Variants in NSD1 observed in about 807,000 individuals in gnomAD.
NSD1 encodes nuclear receptor binding SET domain protein 1.
A neutral mutation model predicts 242.7 loss-of-function variants in NSD1; 26 were observed. The observed-to-expected ratio is 0.11, with a 90% CI of 0.08 to 0.15. NSD1 has a LOEUF of 0.15. Among genes scored for constraint, NSD1 ranks in the 10% least tolerant of loss-of-function variants. The pLI is 1.00. For synonymous variants in NSD1, 1,106 were observed against 1,178.1 expected (o/e 0.94, Z 1.25); for missense variants, 2,495 against 3,272.8 (o/e 0.76, Z 5.80).
Position 177,204,638 on chromosome 5 carries a change from C to T in NSD1, c.1236+346C>T, listed in dbSNP as rs551504168. Among the ~76,000 whole-genome samples the T allele has an allele frequency of 1.8e-4, 27 of 152,134 alleles. No homozygotes were observed. In the East Asian group the frequency reaches 3.7e-3, roughly 21 times the overall value. On this transcript the variant is annotated intron_variant, in intron 4 of 22. Coordinates refer to ENST00000439151, the MANE Select transcript of NSD1 (RefSeq NM_022455.5). ...CAGGTGTGAGCCACTGTGCCTGGCC[C>T]GGCCTTTTAAAAATCATTATCTACT...
At chr5:177,158,319 CTTTTCTTTCT>C (rs1275415394) in intron 2 of NSD1, among the ~76,000 whole-genome samples, 10 of 130,150 alleles carry the variant, frequency 7.7e-5, no homozygotes, top group African/African-American at 2.6e-4. Flanking sequence ...TCTTTTCTTT[CTTTTCTTTCT>C]TTTCTTTCTT....
At chr5:177,264,054 T>TTTTTTA (rs1757219940) in intron 14 of NSD1, among the ~76,000 whole-genome samples, 1 of 119,570 alleles carries the variant, frequency 8.4e-6, no homozygotes, top group African/African-American at 3.0e-5. Context: ...TTTTTTTTTT[T>TTTTTTA]GAGATGGAGT....
chr5:177,239,579 A>C (rs1581410982), intron 7 of NSD1, among the ~76,000 whole-genome samples, 177 bp from the exon 8 acceptor site: 1 of 152,182 alleles, frequency 6.6e-6, no homozygotes, highest in African/African-American at 2.4e-5. Flanking sequence ...AAAACTGTTT[A>C]CTTGTTTTGT....
At chr5:177,220,718 G>A (rs1385967561) in intron 5 of NSD1, among the ~76,000 whole-genome samples, 1 of 151,590 alleles carries the variant, frequency 6.6e-6, no homozygotes, top group Non-Finnish European at 1.5e-5. Context: ...TTACAAGCGT[G>A]CACCAACACG....
intron 2 of NSD1, among the ~76,000 whole-genome samples, chr5:177,144,559 A>C (rs1042068832): frequency 2.6e-5 from 4 of 152,116 alleles, no homozygotes; most frequent in Non-Finnish European, 5.9e-5. Flanking sequence ...TCCAACTGTT[A>C]AGTGGTGTAA....
chr5:177,264,947 C>T, intron 14 of NSD1: 1 of 909,402 alleles, frequency 1.1e-6, no homozygotes, highest in Non-Finnish European at 1.8e-6. Context: ...CATGGCAAAA[C>T]TGGAAGAGTC....
At chr5:177,140,605 G>C (rs564488144) in intron 2 of NSD1, among the ~76,000 whole-genome samples, 3 of 151,982 alleles carry the variant, frequency 2.0e-5, no homozygotes, top group Non-Finnish European at 4.4e-5. Context: ...GATCACTTGA[G>C]GCTGCAATTA....
At chr5:177,132,036 C>T (rs920936854), upstream of NSD1, among the ~76,000 whole-genome samples, 5 of 152,214 alleles carry the variant, frequency 3.3e-5, no homozygotes, top group African/African-American at 1.2e-4. This position sits in a 1 kb window ranked among gnomAD's most constrained non-coding sequence, Gnocchi z 7.5. Context: ...GCTTGGGCTC[C>T]CTGTCCCGCC....
intron 1 of NSD1, 76 bp from the exon 2 acceptor site, chr5:177,135,011 G>C (rs1411487630): frequency 3.1e-6 from 4 of 1,301,546 alleles, no homozygotes; most frequent in Non-Finnish European, 4.5e-6. Context: ...ACTAGGCCTT[G>C]AAGTGGCTGC....
At chr5:177,293,662 G>A (rs1466464646) in intron 22 of NSD1, among the ~76,000 whole-genome samples, 170 bp from the exon 23 acceptor site, 1 of 151,382 alleles carries the variant, frequency 6.6e-6, no homozygotes, top group African/African-American at 2.4e-5. Flanking sequence ...TGCACAAAAA[G>A]AAGCTGGAAT....
chr5:177,202,230 G>GT (rs1038663386), intron 3 of NSD1, among the ~76,000 whole-genome samples: 19 of 151,358 alleles, frequency 1.3e-4, no homozygotes, highest in South Asian at 4.2e-4. Context: ...TAATTGAGTG[G>GT]TTTTTTTTAA....
chr5:177,142,797 A>G (rs1756934827), intron 2 of NSD1, among the ~76,000 whole-genome samples: 1 of 152,142 alleles, frequency 6.6e-6, no homozygotes, highest in Non-Finnish European at 1.5e-5. Context: ...CTGGGTCTCT[A>G]CTTAAATTTG....
intron 2 of NSD1, among the ~76,000 whole-genome samples, chr5:177,166,743 C>CTTTTTTTTTTTTTTTTTTT (rs967834304): frequency 7.5e-6 from 1 of 133,422 alleles, no homozygotes; most frequent in Non-Finnish European, 1.6e-5. Context: ...TTTTGAGTTA[C>CTTTTTTTTTTTTTTTTTTT]TTTTTTTTTT....
At chr5:177,171,358 TA>T (rs1388817294) in intron 2 of NSD1, among the ~76,000 whole-genome samples, 1 of 152,080 alleles carries the variant, frequency 6.6e-6, no homozygotes, top group Non-Finnish European at 1.5e-5. Flanking sequence ...TCCTACACCT[TA>T]ACTTCCCTGC....
intron 20 of NSD1, among the ~76,000 whole-genome samples, chr5:177,288,121 T>A (rs949607684): frequency 6.6e-6 from 1 of 152,178 alleles, no homozygotes; most frequent in African/African-American, 2.4e-5. Flanking sequence ...GAGTTTTGAG[T>A]TTGAATGTTT....
chr5:177,276,094 T>G (rs2127249169), intron 17 of NSD1, among the ~76,000 whole-genome samples: 1 of 152,182 alleles, frequency 6.6e-6, no homozygotes, highest in South Asian at 2.1e-4. Flanking sequence ...AACGCCTGGC[T>G]AATTTTGGTA....
At chr5:177,176,459 T>C (rs892855871) in intron 2 of NSD1, among the ~76,000 whole-genome samples, 3 of 151,346 alleles carry the variant, frequency 2.0e-5, no homozygotes, top group Non-Finnish European at 4.4e-5. Flanking sequence ...AAAGAGACAG[T>C]ATCTTGCTCT....
chr5:177,198,634 G>A (rs893046057), intron 3 of NSD1, among the ~76,000 whole-genome samples: 2 of 151,990 alleles, frequency 1.3e-5, no homozygotes, highest in South Asian at 2.1e-4. Context: ...CCAACATATG[G>A]GGGGGTCAAG....
intron 5 of NSD1, among the ~76,000 whole-genome samples, chr5:177,218,980 TA>T (rs2149860699): frequency 1.3e-5 from 2 of 152,268 alleles, no homozygotes; most frequent in Non-Finnish European, 2.9e-5. Context: ...TCAGTATTTA[TA>T]AAAGATGTTG....
Sources: allele counts gnomAD v4.1 joint callset (sites outside exome capture counted in the v4.1 genomes callset), GRCh38; gene constraint gnomAD v4.1.1; non-coding constraint Gnocchi (gnomAD v3.1); transcripts MANE v1.5; gene names NCBI Gene and HGNC (gene_info 2026-07-23, HGNC 2026-07-21).